PLB1: variants seen among roughly 807,000 people sequenced by gnomAD.
PLB1 encodes phospholipase B1, membrane-associated.
A neutral mutation model predicts 227.4 loss-of-function variants in PLB1; 242 were observed. That is an observed-to-expected ratio of 1.06 (90% CI 0.96 to 1.18). The LOEUF is 1.18. Ranked by LOEUF, PLB1 falls within the 50% of genes most tolerant of loss-of-function variation. The pLI is 0.00. For synonymous variants in PLB1, 757 were observed against 682.2 expected (o/e 1.11, Z -1.71); for missense variants, 1,858 against 1,816.3 (o/e 1.02, Z -0.42).
In PLB1 at chr2:28,579,681, G is replaced by C. The variant is rs1211858429; in HGVS notation, c.1540G>C (p.Asp514His). 3 of 1,613,324 alleles carry C rather than the reference G, an allele frequency of 1.9e-6. No individual in the cohort carries two copies. Residue 514 changes from aspartate (D) to histidine (H), a missense_variant, in exon 23 of 58, where the codon GAC becomes CAC. By Grantham distance (81) the Asp-to-His change is moderately conservative. Transcript: ENST00000327757. ...KIITLFIGGN[D>H]LCDFCNDLVH... Reference sequence around the variant, plus strand: ...AATAACCCTGTTTATAGGCGGCAATGACCTCTGTGATTTCTGCAATGATCT... The same window carrying C: ...AATAACCCTGTTTATAGGCGGCAATCACCTCTGTGATTTCTGCAATGATCT...
intron 13 of PLB1, among the ~76,000 whole-genome samples, chr2:28,542,579 C>T (rs60151221): frequency 0.027 from 4,170 of 152,168 alleles, 188 homozygotes; most frequent in African/African-American, 0.092. Context: ...GTGGTTATTC[C>T]GAAGAGAATC....
At chr2:28,584,432 G>A (rs1347198512) in intron 25 of PLB1, among the ~76,000 whole-genome samples, 3 of 152,210 alleles carry the variant, frequency 2.0e-5, no homozygotes, top group Non-Finnish European at 4.4e-5. Flanking sequence ...TGACTCATCC[G>A]CTGGCTCACA....
chr2:28,510,778 TTGTGTGTGTGTGTG>T (rs55672002), intron 1 of PLB1, among the ~76,000 whole-genome samples: 1 of 141,538 alleles, frequency 7.1e-6, no homozygotes, highest in South Asian at 2.3e-4. Flanking sequence ...ACTCAGATAA[TTGTGTGTGTGTGTG>T]TGTGTGTGTG....
intron 20 of PLB1, among the ~76,000 whole-genome samples, chr2:28,567,937 C>T (rs1677330979): frequency 6.6e-6 from 1 of 152,074 alleles, no homozygotes; most frequent in Admixed American, 6.5e-5. Context: ...TTAACTGGTC[C>T]CATTTTCATT....
At chr2:28,543,481 G>C (rs1319212058) in intron 14 of PLB1, among the ~76,000 whole-genome samples, 1 of 152,226 alleles carries the variant, frequency 6.6e-6, no homozygotes, top group Non-Finnish European at 1.5e-5. Context: ...AGCCAGGCCA[G>C]TGAGCAGCAA....
chr2:28,637,314 A>AAG (rs1336359938), intron 56 of PLB1, among the ~76,000 whole-genome samples: 1 of 151,662 alleles, frequency 6.6e-6, no homozygotes, highest in African/African-American at 2.4e-5. Flanking sequence ...AAAAAAAAAA[A>AAG]AAAAGTTTAC....
chr2:28,567,512 G>GT (rs1553431347), intron 20 of PLB1, among the ~76,000 whole-genome samples: 1 of 113,602 alleles, frequency 8.8e-6, no homozygotes, highest in Non-Finnish European at 1.6e-5. Context: ...TCACTCTGTT[G>GT]CCAGGCTGGA....
Position 28,620,351 on chromosome 2 carries a change from C to T in PLB1, c.3383+19C>T, listed in dbSNP as rs367561196. 2.5e-6 allele frequency: 4 copies of T among 1,578,600 alleles called. No homozygotes were observed. The African/African-American group carries it at 5.4e-5, about 21-fold the overall frequency. On this transcript the variant is annotated intron_variant, in intron 47 of 57. Coordinates refer to ENST00000327757, the MANE Select transcript of PLB1 (RefSeq NM_153021.5). ...CTTGGAGGTGAGGATGTTCTTGATGCATGCTCTATTGATGATGCTCTCTCA... is the reference window on the plus strand; with the variant it reads ...CTTGGAGGTGAGGATGTTCTTGATGTATGCTCTATTGATGATGCTCTCTCA...
At chr2:28,610,259 C>T (rs1685252652) in intron 43 of PLB1, among the ~76,000 whole-genome samples, 1 of 152,006 alleles carries the variant, frequency 6.6e-6, no homozygotes, top group African/African-American at 2.4e-5. Context: ...GCTCTCTGTC[C>T]CCAAATGTTC....
rs535783982 is a variant in PLB1 at position 28,585,756 on chromosome 2, T to C, written c.1734-5T>C. ...ATGAGGGTTTCTCTTTGGTTTGGTC[T>C]ACAGGTCTCTGTGTCCCTGTGTCCT... On this transcript the variant is annotated splice_region_variant and splice_polypyrimidine_tract_variant and intron_variant, in intron 25 of 57. Coordinates refer to ENST00000327757, the MANE Select transcript of PLB1 (RefSeq NM_153021.5). 9 of 1,599,164 alleles carry C rather than the reference T, an allele frequency of 5.6e-6. No homozygotes were observed. The South Asian group carries it at 8.8e-5, about 16-fold the overall frequency.
At chr2:28,550,687 C>T (rs182941590) in intron 16 of PLB1, among the ~76,000 whole-genome samples, 4 of 151,816 alleles carry the variant, frequency 2.6e-5, no homozygotes, top group Non-Finnish European at 5.9e-5. Context: ...ATTATAGGCG[C>T]GCAACACCAC....
chr2:28,606,431 A>G, intron 42 of PLB1, 65 bp from the exon 43 acceptor site: 1 of 1,493,142 alleles, frequency 6.7e-7, no homozygotes, highest in Admixed American at 1.7e-5. Flanking sequence ...GGATTCTGCC[A>G]GGGAATGTTC....
At chr2:28,579,531 G>C in intron 22 of PLB1, 96 bp from the exon 23 acceptor site, 1 of 926,434 alleles carries the variant, frequency 1.1e-6, no homozygotes, top group Non-Finnish European at 1.8e-6. Context: ...ACTCTGGTGT[G>C]TGAGGACCCA....
rs560922294 is a variant in PLB1 at position 28,597,882 on chromosome 2, G to A, written c.2322-123G>A. ...ATTCCTCAAACTCAGAGATGGGTCT[G>A]GCCCATCTCAAAGGTGCCGATGGGC... On this transcript the variant is annotated intron_variant, in intron 33 of 57. Coordinates refer to ENST00000327757, the MANE Select transcript of PLB1 (RefSeq NM_153021.5). 3 of 898,522 alleles carry A rather than the reference G, an allele frequency of 3.3e-6. No homozygotes were observed. The East Asian group carries it at 7.4e-5, about 22-fold the overall frequency. The allele number at this position is 898,522 out of a possible 1,614,324, so 55.7% of individuals were successfully genotyped here.
intron 33 of PLB1, chr2:28,595,503 T>C (rs1201413328): frequency 6.6e-6 from 1 of 152,184 alleles, no homozygotes; most frequent in African/African-American, 2.4e-5. Context: ...ATAACCTTCC[T>C]TTGGGGAATT....
At chr2:28,526,545 T>C (rs1478890193) in intron 6 of PLB1, among the ~76,000 whole-genome samples, 2 of 152,248 alleles carry the variant, frequency 1.3e-5, no homozygotes, top group Non-Finnish European at 2.9e-5. Context: ...TTTTAAAATA[T>C]AATATCAGAG....
intron 1 of PLB1, among the ~76,000 whole-genome samples, chr2:28,506,695 G>C (rs1027880769): frequency 6.6e-6 from 1 of 152,170 alleles, no homozygotes; most frequent in Non-Finnish European, 1.5e-5. Flanking sequence ...TTTAGCAGGG[G>C]AGTGGCATGA....
chr2:28,544,669 A>G (rs959082653), intron 14 of PLB1, among the ~76,000 whole-genome samples: 2 of 152,186 alleles, frequency 1.3e-5, no homozygotes, highest in African/African-American at 2.4e-5. Flanking sequence ...CCAAGAAGCA[A>G]TGTGAACAAT....
chr2:28,564,211 C>T lies in PLB1; in HGVS notation c.1207-1069C>T, dbSNP rs138545689. Among the ~76,000 whole-genome samples, 720 of 152,308 alleles carry T rather than the reference C, an allele frequency of 4.7e-3. 4 individuals carry two copies. The highest frequency in any genetic ancestry group is 0.016 in the South Asian group (75 of 4,828). The stretch of plus-strand genomic sequence containing the variant: ...GAGCCACAATGGTGCAACTGCACTC[C>T]AGGCTGGACAACAGAGCAAGGCCCT... On this transcript the variant is annotated intron_variant, in intron 18 of 57. Transcript: ENST00000327757.
Sources: allele counts gnomAD v4.1 joint callset (sites outside exome capture counted in the v4.1 genomes callset), GRCh38; gene constraint gnomAD v4.1.1; transcripts MANE v1.5; gene names NCBI Gene and HGNC (gene_info 2026-07-23, HGNC 2026-07-21).